Variants in TMEM59 observed in about 807,000 individuals in gnomAD.
The protein encoded by TMEM59 is transmembrane protein 59, also known as dendritic cell factor 1.
TMEM59 carries 44 observed loss-of-function variants against 42.2 expected under a neutral mutation model. That is an observed-to-expected ratio of 1.04 (90% confidence interval 0.82 to 1.34). The LOEUF (loss-of-function observed/expected upper bound fraction) is 1.34, where lower values mean the gene tolerates loss of function less well. Among genes scored for constraint, TMEM59 ranks in the 40% most tolerant of loss-of-function variants. TMEM59 has a pLI of 0.00. For missense variants in TMEM59, 359 were observed against 382.8 expected, an observed-to-expected ratio of 0.94 and a Z score of 0.52; for synonymous variants, 148 against 145.8, an observed-to-expected ratio of 1.02 and a Z score of -0.11.
chr1:54,032,600 C>G (rs1656800077), intron 7 of TMEM59, among the ~76,000 whole-genome samples: 1 of 152,208 alleles, frequency 6.6e-6, no homozygotes, highest in African/African-American at 2.4e-5. Flanking sequence ...CATCTTAGCT[C>G]TCCTACCAAG....
intron 7 of TMEM59, among the ~76,000 whole-genome samples, chr1:54,032,628 G>A (rs1013978815): frequency 5.3e-5 from 8 of 152,202 alleles, no homozygotes; most frequent in African/African-American, 1.7e-4. Context: ...ATAATTTGGT[G>A]CAAGTTTTTC....
chr1:54,033,715 C>T (rs1656847431), intron 7 of TMEM59: 1 of 151,464 alleles, frequency 6.6e-6, no homozygotes. Context: ...ACTGGCAGGA[C>T]AACTGACTAG....
intron 5 of TMEM59, among the ~76,000 whole-genome samples, chr1:54,041,233 G>T (rs2100314701): frequency 6.6e-6 from 1 of 152,286 alleles, no homozygotes; most frequent in South Asian, 2.1e-4. Context: ...ATTTCACAAG[G>T]TGAGTTCTGC....
intron 1 of TMEM59, among the ~76,000 whole-genome samples, chr1:54,051,810 C>A (rs543605785): frequency 1.6e-4 from 25 of 152,310 alleles, no homozygotes; most frequent in African/African-American, 6.0e-4. Flanking sequence ...TTACATAAAT[C>A]TCTGGAAAAA....
intron 3 of TMEM59, chr1:54,043,863 G>C (rs1335889818): frequency 6.6e-6 from 1 of 152,468 alleles, no homozygotes; most frequent in East Asian, 1.9e-4. Flanking sequence ...GAACGGGAAG[G>C]GACAAATCGT....
chr1:54,052,095 T>C (rs115011183), intron 1 of TMEM59, among the ~76,000 whole-genome samples: 1,901 of 152,050 alleles, frequency 0.013, 33 homozygotes, highest in African/African-American at 0.044. Context: ...ACCAGCAACA[T>C]CAACAAAAGC....
intron 7 of TMEM59, chr1:54,034,850 A>G (rs1656894543): frequency 6.6e-6 from 1 of 152,232 alleles, no homozygotes; most frequent in East Asian, 1.9e-4. Context: ...GGCCTCCATA[A>G]AACTCAGAAT....
chr1:54,039,950 G>C (rs1487400303), intron 6 of TMEM59, among the ~76,000 whole-genome samples: 1 of 151,894 alleles, frequency 6.6e-6, no homozygotes, highest in African/African-American at 2.4e-5. Context: ...TTTCCTAGGA[G>C]GGCATATGGT....
Position 54,032,082 on chromosome 1 carries a change from A to G in TMEM59, c.*68T>C. The G allele has an allele frequency of 6.9e-7, 1 of 1,439,442 alleles. No individual in the cohort carries two copies. The highest frequency in any genetic ancestry group is 9.3e-7 in the Non-Finnish European group (1 of 1,079,248). 89.2% of individuals were successfully genotyped at this position (1,439,442 alleles called of 1,614,324 possible). The stretch of plus-strand genomic sequence containing the variant: ...CTTAAGGCCTATATCCAATGAAACC[A>G]TTTTAAAAGCTCTATGAGGAGTGGA... On this transcript the variant is annotated 3_prime_UTR_variant, in exon 8 of 8. Transcript: ENST00000234831.
rs763574524 is a variant in TMEM59, at chr1:54,029,839, A to C, written c.*2311T>G. On this transcript the variant is annotated 3_prime_UTR_variant, in exon 8 of 8. Transcript: ENST00000234831. ...CTGACCCTAGACTCTAGTGTAGAACAAGTAGTTAAGGGAAGAGAGATTAAA... is the reference window on the plus strand; with the variant it reads ...CTGACCCTAGACTCTAGTGTAGAACCAGTAGTTAAGGGAAGAGAGATTAAA... 9 of 151,980 alleles carry C rather than the reference A, an allele frequency of 5.9e-5. No individual in the cohort carries two copies. The highest frequency in any genetic ancestry group is 2.1e-4 in the South Asian group (1 of 4,822). The allele number at this position is 151,980 out of a possible 1,614,324, so 9.4% of individuals were successfully genotyped here. A position where few individuals can be genotyped will look rare whatever the true frequency, so the allele number is the denominator to read the frequency against.
In TMEM59 at chr1:54,028,589, C is replaced by A. The variant is rs1351495675; in HGVS notation, c.*3561G>T. ...CAATCTGCAGTGCCTCACCCTCTGG[C>A]CTCTAGGTCTTTGAGCACAGTGTCC... is the stretch of plus-strand genomic sequence containing the variant. On this transcript the variant is annotated 3_prime_UTR_variant, in exon 8 of 8. Coordinates refer to ENST00000234831, the MANE Select transcript of TMEM59 (RefSeq NM_004872.5). The A allele has an allele frequency of 6.6e-6, 1 of 152,240 alleles. No individual in the cohort carries two copies. Among genetic ancestry groups the A allele is most frequent in the Admixed American group, 6.5e-5 (1 of 15,276 alleles). 9.4% of individuals were successfully genotyped at this position (152,240 alleles called of 1,614,324 possible).
intron 7 of TMEM59, among the ~76,000 whole-genome samples, chr1:54,035,859 C>T (rs1320256259): frequency 6.6e-6 from 1 of 152,206 alleles, no homozygotes; most frequent in African/African-American, 2.4e-5. Context: ...AGTGATCCTC[C>T]TGCCTAGGCT....
At chr1:54,051,973 G>A (rs1657556747) in intron 1 of TMEM59, among the ~76,000 whole-genome samples, 1 of 152,128 alleles carries the variant, frequency 6.6e-6, no homozygotes, top group African/African-American at 2.4e-5. Context: ...AACATCCTAA[G>A]CTTCACTGGA....
In TMEM59 at chr1:54,031,872, T is replaced by C. The variant is rs1656774888; in HGVS notation, c.*278A>G. 2 of 236,736 alleles carry C rather than the reference T, an allele frequency of 8.4e-6. No homozygotes were observed. Among genetic ancestry groups the C allele is most frequent in the Non-Finnish European group, 8.2e-6 (1 of 122,680 alleles). The allele number at this position is 236,736 out of a possible 1,614,324, so 14.7% of individuals were successfully genotyped here. A position where few individuals can be genotyped will look rare whatever the true frequency, so the allele number is the denominator to read the frequency against. ...GTGAGAAGGAGCAATGATCAGCTCATAGCTAAGAAAAGGGAAAAAAACAAT... is the reference window on the plus strand; with the variant it reads ...GTGAGAAGGAGCAATGATCAGCTCACAGCTAAGAAAAGGGAAAAAAACAAT... On this transcript the variant is annotated 3_prime_UTR_variant, in exon 8 of 8. Transcript: ENST00000234831.
Position 54,040,791 on chromosome 1 carries a change from A to G in TMEM59, c.672T>C (p.Asp224=), listed in dbSNP as rs890092783. ...ATCTTAAAAAGCCATCACTTTCTCC[A>G]TCTTCAAGAAAATTCCTGTGCGCTT... ...NSQAHRNFLE[D]GESDGFLRCL... The change falls in exon 6 of 8, where the codon GAT becomes GAC. Residue 224 remains aspartate, a synonymous_variant. Coordinates refer to ENST00000234831, the MANE Select transcript of TMEM59 (RefSeq NM_004872.5). The G allele has an allele frequency of 1.7e-5, 27 of 1,613,876 alleles. No individual in the cohort carries two copies. The highest frequency in any genetic ancestry group is 3.3e-4 in the Middle Eastern group (2 of 6,050).
intron 6 of TMEM59, among the ~76,000 whole-genome samples, chr1:54,037,690 A>G (rs1340021090): frequency 6.6e-6 from 1 of 152,270 alleles, no homozygotes; most frequent in Non-Finnish European, 1.5e-5. Context: ...ACATGCAGTA[A>G]GCACAGTCAT....
intron 1 of TMEM59, among the ~76,000 whole-genome samples, chr1:54,048,234 A>G (rs1435498854): frequency 3.3e-5 from 5 of 152,238 alleles, no homozygotes; most frequent in Non-Finnish European, 7.3e-5. Flanking sequence ...AAAACACAGG[A>G]GCAACAGTGT....
intron 5 of TMEM59, 52 bp from the exon 6 acceptor site, chr1:54,040,889 T>A (rs1657116522): frequency 7.0e-7 from 1 of 1,427,738 alleles, no homozygotes; most frequent in Non-Finnish European, 9.9e-7. Context: ...CAAAAGCTAG[T>A]CTCACATGAC....
intron 1 of TMEM59, among the ~76,000 whole-genome samples, chr1:54,052,530 G>A (rs1411610966): frequency 1.3e-5 from 2 of 152,162 alleles, no homozygotes; most frequent in Non-Finnish European, 2.9e-5. Context: ...CAGTGGAATC[G>A]TCTACTTGTC....
Sources: gnomAD v4.1 joint callset for allele counts (sites outside exome capture counted in the v4.1 genomes callset) on GRCh38, gnomAD v4.1.1 for gene constraint, MANE v1.5 for transcripts, NCBI Gene and HGNC (gene_info 2026-07-23, HGNC 2026-07-21) for gene names.